Variants in ATP7A observed in about 807,000 individuals in gnomAD.
ATP7A encodes the protein copper-transporting ATPase 1.
A neutral mutation model predicts 83.5 loss-of-function variants in ATP7A; 7 were observed. The observed-to-expected ratio is 0.08, with a 90% CI of 0.05 to 0.16. The LOEUF is 0.16. Among genes scored for constraint, ATP7A ranks in the 10% least tolerant of loss-of-function variants. ATP7A has a pLI of 1.00. For synonymous variants in ATP7A, 354 were observed against 395.2 expected, an observed-to-expected ratio of 0.90 and a Z score of 1.24; for missense variants, 940 against 1,120.8, an observed-to-expected ratio of 0.84 and a Z score of 2.30.
At chrX:77,956,768 T>TTTCTTTCTTTCC (rs2077445300) in intron 1 of ATP7A, among the ~76,000 whole-genome samples, 1 of 102,614 alleles carries the variant, frequency 9.7e-6, no homozygotes, top group Non-Finnish European at 2.0e-5. Flanking sequence ...TCTTTCTTTC[T>TTTCTTTCTTTCC]TTCTTTCTTT....
At chrX:78,033,077 T>G (rs2077992305) in intron 16 of ATP7A, among the ~76,000 whole-genome samples, 1 of 112,379 alleles carries the variant, frequency 8.9e-6, no homozygotes, top group African/African-American at 3.2e-5. Context: ...TCTATAAATT[T>G]TAGAGAGTGG....
chrX:78,027,894 C>T (rs781849549), intron 14 of ATP7A, among the ~76,000 whole-genome samples: 5 of 111,598 alleles, frequency 4.5e-5, no homozygotes, highest in African/African-American at 1.6e-4. Flanking sequence ...ACATGAGCCA[C>T]TGTGTCCAGC....
intron 10 of ATP7A, among the ~76,000 whole-genome samples, chrX:78,014,372 T>C (rs1296432887): frequency 9.1e-6 from 1 of 110,183 alleles, no homozygotes; most frequent in Non-Finnish European, 1.9e-5. Flanking sequence ...GCTACTGCAC[T>C]CCAGCCTGGG....
At chrX:77,969,803 G>A (rs781880151) in intron 1 of ATP7A, among the ~76,000 whole-genome samples, 2 of 111,915 alleles carry the variant, frequency 1.8e-5, no homozygotes, top group Non-Finnish European at 3.8e-5. Context: ...TGAAATTGCC[G>A]GTGTTTGACT....
intron 1 of ATP7A, chrX:77,964,326 A>G (rs576234636): frequency 2.7e-5 from 3 of 112,172 alleles, no homozygotes; most frequent in African/African-American, 9.7e-5. Context: ...GGTGATGTGT[A>G]CAGAATGATA....
chrX:77,930,633 C>T (rs1197187433), intron 1 of ATP7A, among the ~76,000 whole-genome samples: 1 of 112,108 alleles, frequency 8.9e-6, no homozygotes, highest in African/African-American at 3.2e-5. Flanking sequence ...GACTTAACTA[C>T]TTACCAGCTA....
chrX:77,936,546 C>T (rs1159428951), intron 1 of ATP7A, among the ~76,000 whole-genome samples: 7 of 112,025 alleles, frequency 6.2e-5, no homozygotes, highest in East Asian at 2.8e-4. Context: ...CAAACTGAAA[C>T]TCTATACCCA....
chrX:78,023,203 G>C (rs782602546), intron 14 of ATP7A, among the ~76,000 whole-genome samples: 72 of 112,146 alleles, frequency 6.4e-4, no homozygotes, highest in African/African-American at 2.3e-3. Flanking sequence ...TGGGCACCTG[G>C]GTGACTCCAT....
intron 13 of ATP7A, 36 bp from the exon 14 acceptor site, chrX:78,020,909 T>G (rs782686695): frequency 2.8e-5 from 33 of 1,166,103 alleles, no homozygotes; most frequent in Middle Eastern, 2.4e-4. Context: ...TTGATATGCT[T>G]CTTCTTCTTA....
rs782425731 is a variant in ATP7A, at chrX:78,014,626, C to T, written c.2407-36C>T. The T allele has an allele frequency of 7.3e-6, 8 of 1,091,023 alleles. No individual in the cohort carries two copies. The African/African-American group carries it at 1.5e-4, about 20-fold the overall frequency. 89.9% of individuals were successfully genotyped at this position (1,091,023 alleles called of 1,213,427 possible). The stretch of plus-strand genomic sequence containing the variant: ...TTAGTTAAGACCTGAACTTTTTCTT[C>T]CTTAGCATTTTCAATGTGTTTGTTT... On this transcript the variant is annotated intron_variant, in intron 10 of 22. Transcript: ENST00000341514.
intron 8 of ATP7A, 68 bp from the exon 9 acceptor site, chrX:78,011,381 T>C (rs2077824051): frequency 2.8e-6 from 3 of 1,061,025 alleles, no homozygotes; most frequent in Non-Finnish European, 4.0e-6. Flanking sequence ...CTCTCTGTAG[T>C]ATGTAGAATC....
chrX:77,926,311 A>G (rs1426285189), intron 1 of ATP7A, among the ~76,000 whole-genome samples: 2 of 112,246 alleles, frequency 1.8e-5, no homozygotes, highest in Non-Finnish European at 3.8e-5. Flanking sequence ...ATAAATGGTC[A>G]ATGTAAAAAC....
intron 2 of ATP7A, among the ~76,000 whole-genome samples, chrX:77,972,149 T>G (rs1008019498): frequency 9.0e-6 from 1 of 111,179 alleles, no homozygotes; most frequent in Admixed American, 9.6e-5. Context: ...AATTAAAACT[T>G]GAAGGGAAAA....
chrX:77,995,500 G>A (rs1319268772), intron 4 of ATP7A, among the ~76,000 whole-genome samples: 1 of 98,730 alleles, frequency 1.0e-5, no homozygotes, highest in Non-Finnish European at 2.0e-5. Context: ...CGTGGGAGGC[G>A]AAGGTTGCAG....
chrX:78,045,004 T>C (rs1185559517), intron 21 of ATP7A, among the ~76,000 whole-genome samples: 1 of 111,892 alleles, frequency 8.9e-6, no homozygotes, highest in Non-Finnish European at 1.9e-5. Context: ...ATAGAAAAAG[T>C]AGAAAAATAT....
At chrX:77,970,679 A>G (rs782608686) in intron 1 of ATP7A, among the ~76,000 whole-genome samples, 1 of 111,769 alleles carries the variant, frequency 8.9e-6, no homozygotes, top group South Asian at 3.8e-4. Context: ...AAACAAAAAC[A>G]AAAACAAAAA....
intron 1 of ATP7A, among the ~76,000 whole-genome samples, chrX:77,954,731 T>G (rs2077431722): frequency 9.0e-6 from 1 of 111,670 alleles, no homozygotes; most frequent in Non-Finnish European, 1.9e-5. Flanking sequence ...AAATACTATA[T>G]AGATACCTTG....
intron 1 of ATP7A, among the ~76,000 whole-genome samples, chrX:77,929,404 C>T (rs1173145831): frequency 9.0e-6 from 1 of 110,996 alleles, no homozygotes; most frequent in African/African-American, 3.3e-5. Context: ...TTTCAGACAA[C>T]GTAAGGTAGG....
rs1557231866 is a variant in ATP7A at position 77,989,728 on chromosome X, A to G, written c.1106A>G (p.Asn369Ser). The G allele has an allele frequency of 8.3e-7, 1 of 1,211,534 alleles. No individual in the cohort carries two copies. The change falls in exon 4 of 23, where the codon AAT (asparagine) becomes AGT (serine). Residue 369 changes from asparagine (N) to serine (S), a missense_variant. This residue lies in a region of ATP7A where 350 missense variants were observed against 432.8 expected (regional missense o/e 0.81). Coordinates refer to ENST00000341514, the MANE Select transcript of ATP7A (RefSeq NM_000052.7). ...TCATCTCTTCAGAAGATTCCTTTGA[A>G]TGTAGTTAGCCAGCCTCTGACACAA... ...SSSSLQKIPL[N>S]VVSQPLTQET... is the part of the protein sequence containing the mutation.
Sources: allele counts gnomAD v4.1 joint callset (sites outside exome capture counted in the v4.1 genomes callset), GRCh38; gene constraint gnomAD v4.1.1; regional missense constraint gnomAD v4.1.1; transcripts MANE v1.5; gene names NCBI Gene and HGNC (gene_info 2026-07-23, HGNC 2026-07-21).